SHISA9: variants seen among roughly 807,000 people sequenced by gnomAD.
SHISA9 encodes the protein protein shisa-9.
Under a neutral mutation model 38.0 loss-of-function variants are expected in SHISA9, and 13 were observed. The observed-to-expected ratio is 0.34, with a 90% CI of 0.22 to 0.54. The LOEUF is 0.54. Ranked by LOEUF, SHISA9 falls within the 20% of genes least tolerant of loss-of-function variation. SHISA9 has a pLI of 0.91. For synonymous variants in SHISA9, 275 were observed against 242.0 expected (o/e 1.14, Z -1.27); for missense variants, 538 against 575.8 (o/e 0.93, Z 0.67).
At chr16:13,458,981 C>T in the SHISA9 span, among the ~76,000 whole-genome samples, 1 of 151,822 alleles carries the variant, frequency 6.6e-6, no homozygotes, top group Admixed American at 6.6e-5. Flanking sequence ...GATTCTCCTG[C>T]CTCGGCCTCC....
At chr16:13,404,000 C>T in the SHISA9 span, among the ~76,000 whole-genome samples, 4 of 152,188 alleles carry the variant, frequency 2.6e-5, no homozygotes, top group Non-Finnish European at 5.9e-5. Context: ...CAAGATATGG[C>T]AAGAGCAAAT....
the SHISA9 span, among the ~76,000 whole-genome samples, chr16:13,406,678 C>A: frequency 6.6e-6 from 1 of 152,174 alleles, no homozygotes; most frequent in Non-Finnish European, 1.5e-5. Context: ...GTTTGGGAGT[C>A]AAACACATTA....
At chr16:12,991,706 G>A (rs1330017430) in intron 2 of SHISA9, among the ~76,000 whole-genome samples, 2 of 152,148 alleles carry the variant, frequency 1.3e-5, no homozygotes, top group Non-Finnish European at 2.9e-5. Flanking sequence ...TTCTTCAGAG[G>A]AATTTAGAAT....
chr16:13,561,849 T>G, the SHISA9 span, among the ~76,000 whole-genome samples: 1 of 152,092 alleles, frequency 6.6e-6, no homozygotes, highest in Admixed American at 6.5e-5. Context: ...CCATATTGGT[T>G]GCAATTCAAA....
chr16:13,434,068 G>A, the SHISA9 span, among the ~76,000 whole-genome samples: 1 of 152,192 alleles, frequency 6.6e-6, no homozygotes, highest in African/African-American at 2.4e-5. Context: ...AGCCAACAGT[G>A]CAGCCTTCAG....
At chr16:13,015,886 C>CTTTCTTTCTT (rs1176068203) in intron 2 of SHISA9, among the ~76,000 whole-genome samples, 1 of 113,338 alleles carries the variant, frequency 8.8e-6, no homozygotes, top group Non-Finnish European at 2.0e-5. Flanking sequence ...TTCTTTCTTT[C>CTTTCTTTCTT]TTTCTTTCTT....
the SHISA9 span, among the ~76,000 whole-genome samples, chr16:13,265,686 C>G: frequency 1.3e-5 from 2 of 151,408 alleles, no homozygotes; most frequent in Admixed American, 6.6e-5. Context: ...GCAGTGCATA[C>G]AATCATCAAA....
the SHISA9 span, among the ~76,000 whole-genome samples, chr16:13,514,351 C>A: frequency 1.3e-3 from 192 of 152,008 alleles, no homozygotes; most frequent in African/African-American, 4.4e-3. Context: ...AAATGCAAAG[C>A]ATCAGGAAAT....
At chr16:13,489,925 T>C in the SHISA9 span, among the ~76,000 whole-genome samples, 31 of 152,206 alleles carry the variant, frequency 2.0e-4, no homozygotes, top group Non-Finnish European at 4.0e-4. Context: ...AGCCTACATA[T>C]GTACACCATT....
the SHISA9 span, among the ~76,000 whole-genome samples, chr16:13,256,695 C>T: frequency 1.3e-5 from 2 of 152,122 alleles, no homozygotes; most frequent in South Asian, 4.1e-4. Context: ...TAAAGTCAGG[C>T]AATTGATAAC....
At chr16:12,934,466 A>T (rs1260998279) in intron 2 of SHISA9, among the ~76,000 whole-genome samples, 2 of 152,214 alleles carry the variant, frequency 1.3e-5, no homozygotes, top group Non-Finnish European at 2.9e-5. Flanking sequence ...AGTGTTTTTC[A>T]AACTGATATA....
At chr16:12,939,090 T>C (rs1463447729) in intron 2 of SHISA9, among the ~76,000 whole-genome samples, 4 of 151,998 alleles carry the variant, frequency 2.6e-5, no homozygotes, top group Middle Eastern at 3.4e-3. Flanking sequence ...TCTCCTCTCC[T>C]TTTCTTTCCT....
chr16:12,981,947 T>G (rs1046017439), intron 2 of SHISA9, among the ~76,000 whole-genome samples: 5 of 152,230 alleles, frequency 3.3e-5, no homozygotes, highest in Admixed American at 6.5e-5. Flanking sequence ...GATCTTGGAC[T>G]TCTAACCTCT....
intron 2 of SHISA9, among the ~76,000 whole-genome samples, chr16:13,179,661 C>T (rs2050761006): frequency 6.6e-6 from 1 of 152,150 alleles, no homozygotes; most frequent in Non-Finnish European, 1.5e-5. Flanking sequence ...GACAGTGGGG[C>T]TGTGGGAAAG....
chr16:13,294,508 C>T, the SHISA9 span, among the ~76,000 whole-genome samples: 1 of 152,194 alleles, frequency 6.6e-6, no homozygotes, highest in African/African-American at 2.4e-5. Context: ...AAGGCTTCAA[C>T]TCAAAACCAG....
chr16:13,413,002 T>A, the SHISA9 span, among the ~76,000 whole-genome samples: 1 of 152,080 alleles, frequency 6.6e-6, no homozygotes, highest in South Asian at 2.1e-4. Context: ...AATGAATGAA[T>A]GAATAAAATG....
At chr16:13,553,216 A>G in the SHISA9 span, among the ~76,000 whole-genome samples, 2 of 152,210 alleles carry the variant, frequency 1.3e-5, no homozygotes, top group Non-Finnish European at 2.9e-5. Context: ...AACTCCAGAA[A>G]GTAGGACTAT....
chr16:13,167,385 T>A (rs1446404059), intron 2 of SHISA9, among the ~76,000 whole-genome samples: 1 of 152,154 alleles, frequency 6.6e-6, no homozygotes, highest in East Asian at 1.9e-4. Context: ...TTACTCCTCT[T>A]CTCAGCCACA....
At chr16:13,246,331 T>C in the SHISA9 span, 1 of 152,212 alleles carries the variant, frequency 6.6e-6, no homozygotes, top group East Asian at 1.9e-4. Context: ...TGCTTCCCCA[T>C]GTAAGATGTG....
Sources: allele counts gnomAD v4.1 joint callset (sites outside exome capture counted in the v4.1 genomes callset), GRCh38; gene constraint gnomAD v4.1.1; transcripts MANE v1.5; gene names NCBI Gene and HGNC (gene_info 2026-07-23, HGNC 2026-07-21).